RASGEF1C: variants seen among roughly 807,000 people sequenced by gnomAD.
The protein encoded by RASGEF1C is RasGEF domain family member 1C, also known as ras-GEF domain-containing family member 1C.
A neutral mutation model predicts 58.1 loss-of-function variants in RASGEF1C; 27 were observed. The ratio of observed to expected loss-of-function variants is 0.46; its 90% CI spans 0.34 to 0.64. The LOEUF is 0.64. RASGEF1C is among the 30% of genes least tolerant of loss of function. The pLI, the probability that RASGEF1C is intolerant of heterozygous loss-of-function variation, is 0.01. For synonymous variants in RASGEF1C, 243 were observed against 246.3 expected (o/e 0.99, Z 0.13); for missense variants, 502 against 605.1 (o/e 0.83, Z 1.79).
intron 1 of RASGEF1C, among the ~76,000 whole-genome samples, chr5:180,176,247 C>G (rs1767223739): frequency 6.6e-6 from 1 of 152,186 alleles, no homozygotes; most frequent in Admixed American, 6.5e-5. Context: ...GGGGCCCCAG[C>G]CCCAGGCCTC....
At chr5:180,142,190 CTG>C (rs1483011856) in intron 1 of RASGEF1C, among the ~76,000 whole-genome samples, 4 of 152,096 alleles carry the variant, frequency 2.6e-5, no homozygotes, top group Non-Finnish European at 5.9e-5. Context: ...ATTTCTCCCT[CTG>C]TCTGCCTCGT....
chr5:180,131,156 C>A lies in RASGEF1C; in HGVS notation c.439-2546G>T, dbSNP rs1766360584. 2.0e-5 allele frequency among the ~76,000 whole-genome samples: 3 copies of A among 152,200 alleles called. No homozygotes were observed. The South Asian group carries it at 6.2e-4, about 32-fold the overall frequency. The stretch of plus-strand genomic sequence containing the variant: ...CCGGTTTCTCTCCACCCTGCAGCCA[C>A]AGAGGTCTGTTCAAAATGCAAATCT... On this transcript the variant is annotated intron_variant, in intron 4 of 13. Coordinates refer to ENST00000361132, the MANE Select transcript of RASGEF1C (RefSeq NM_175062.4).
rs558705089 is a variant in RASGEF1C at position 180,200,411 on chromosome 5, G to A, written c.-7+8617C>T. Among the ~76,000 whole-genome samples the A allele has an allele frequency of 2.8e-3, 409 of 144,458 alleles. 1 individual carries two copies. Among genetic ancestry groups the A allele is most frequent in the Non-Finnish European group, 4.7e-3 (308 of 66,148 alleles). 94.8% of individuals were successfully genotyped at this position (144,458 alleles called of 152,430 possible). On this transcript the variant is annotated intron_variant, in intron 1 of 13. Transcript: ENST00000361132. ...TGCAAGCTCCGCCTCCCGGGTTCAC[G>A]CCATTCTCCTGCCTCAGCCTCCCGA...
At chr5:180,157,852 T>C (rs1408050842) in intron 1 of RASGEF1C, among the ~76,000 whole-genome samples, 2 of 152,146 alleles carry the variant, frequency 1.3e-5, no homozygotes, top group Non-Finnish European at 2.9e-5. Context: ...TCTAGGGCAG[T>C]GAAACTATTC....
chr5:180,163,407 A>C (rs1337698061), intron 1 of RASGEF1C, among the ~76,000 whole-genome samples: 1 of 151,946 alleles, frequency 6.6e-6, no homozygotes, highest in Non-Finnish European at 1.5e-5. Context: ...GCCCTTTATC[A>C]GATTGGGGAA....
intron 1 of RASGEF1C, among the ~76,000 whole-genome samples, chr5:180,186,971 A>G (rs1756055248): frequency 6.6e-6 from 1 of 151,862 alleles, no homozygotes. Context: ...ACAAACAAAC[A>G]AAACAAAAAA....
At chr5:180,159,123 G>A (rs1449529057) in intron 1 of RASGEF1C, among the ~76,000 whole-genome samples, 1 of 143,382 alleles carries the variant, frequency 7.0e-6, no homozygotes, top group African/African-American at 2.6e-5. Flanking sequence ...TTAGTAACAA[G>A]TTTTTTTTTA....
chr5:180,137,353 C>G lies in RASGEF1C; in HGVS notation c.300+237G>C, dbSNP rs372193845. On this transcript the variant is annotated intron_variant, in intron 3 of 13. Coordinates refer to ENST00000361132, the MANE Select transcript of RASGEF1C (RefSeq NM_175062.4). The surrounding 1 kb of genome is among the most constrained non-coding windows in gnomAD (Gnocchi z 4.1). ...TCCTACTGACCGGGCTCCGGATACTCAGGTCTGGGCTTAATGGGCTCAAGG... is the reference window on the plus strand; with the variant it reads ...TCCTACTGACCGGGCTCCGGATACTGAGGTCTGGGCTTAATGGGCTCAAGG... Among the ~76,000 whole-genome samples the G allele has an allele frequency of 6.6e-6, 1 of 152,160 alleles. No individual in the cohort carries two copies. Among genetic ancestry groups the G allele is most frequent in the Admixed American group, 6.5e-5 (1 of 15,284 alleles).
chr5:180,103,745 TC>T, intron 12 of RASGEF1C, among the ~76,000 whole-genome samples: 1 of 152,344 alleles, frequency 6.6e-6, no homozygotes, highest in Admixed American at 6.5e-5. Flanking sequence ...GAACATCCTT[TC>T]ATTGTTATTG....
chr5:180,112,974 G>A (rs1366767647), intron 11 of RASGEF1C, among the ~76,000 whole-genome samples: 6 of 145,954 alleles, frequency 4.1e-5, no homozygotes, highest in African/African-American at 1.3e-4. Flanking sequence ...GGGGATGGAC[G>A]GAGGGACCGG....
chr5:180,151,945 G>A (rs1581109319), intron 1 of RASGEF1C, among the ~76,000 whole-genome samples: 1 of 151,668 alleles, frequency 6.6e-6, no homozygotes, highest in Non-Finnish European at 1.5e-5. Context: ...AGATATTTAT[G>A]CAGCCAAAAG....
At chr5:180,136,743 G>A in intron 3 of RASGEF1C, 2 of 561,166 alleles carry the variant, frequency 3.6e-6, no homozygotes, top group South Asian at 4.4e-5. Context: ...TTCTGCGGTT[G>A]ACGGCTCCAT....
chr5:180,146,508 CTT>C (rs879767569), intron 1 of RASGEF1C, among the ~76,000 whole-genome samples: 2 of 144,798 alleles, frequency 1.4e-5, no homozygotes, highest in Non-Finnish European at 1.5e-5. Context: ...TTTTGGAGTA[CTT>C]TTTTTTTTTG....
At chr5:180,107,793 G>T (rs971476507) in intron 12 of RASGEF1C, among the ~76,000 whole-genome samples, 21 of 152,114 alleles carry the variant, frequency 1.4e-4, no homozygotes, top group African/African-American at 3.9e-4. Flanking sequence ...ATTTGTAGTA[G>T]AGACGAGGTT....
At position 180,118,878 on chromosome 5, in the gene RASGEF1C, A is replaced by G. The variant is rs1195150038; in HGVS notation, c.908-12T>C. 2 of 1,613,802 alleles carry G rather than the reference A, an allele frequency of 1.2e-6. No homozygotes were observed. Among genetic ancestry groups the G allele is most frequent in the African/African-American group, 1.3e-5 (1 of 74,992 alleles). On this transcript the variant is annotated splice_polypyrimidine_tract_variant and intron_variant, in intron 8 of 13. Coordinates refer to ENST00000361132, the MANE Select transcript of RASGEF1C (RefSeq NM_175062.4). The stretch of plus-strand genomic sequence containing the variant: ...CATGTTCATGCCGGCTGGAAGAGGG[A>G]GGAGGGTTGGAGAGGGCTGCTCCTG...
At chr5:180,103,924 T>A (rs1359567092) in intron 12 of RASGEF1C, among the ~76,000 whole-genome samples, 1 of 152,262 alleles carries the variant, frequency 6.6e-6, no homozygotes, top group Admixed American at 6.5e-5. Flanking sequence ...CTGCATTGAT[T>A]AATATAATCA....
At chr5:180,161,296 C>T (rs957999128) in intron 1 of RASGEF1C, among the ~76,000 whole-genome samples, 1 of 152,248 alleles carries the variant, frequency 6.6e-6, no homozygotes, top group African/African-American at 2.4e-5. Context: ...ACTCCCTCCG[C>T]CCCGCTTCCA....
intron 1 of RASGEF1C, among the ~76,000 whole-genome samples, chr5:180,150,376 A>C (rs1353530958): frequency 6.6e-6 from 1 of 152,020 alleles, no homozygotes; most frequent in Non-Finnish European, 1.5e-5. Flanking sequence ...TTTCTCAGGG[A>C]CAGTTTTTGT....
chr5:180,112,428 G>A (rs1368426492), intron 11 of RASGEF1C, among the ~76,000 whole-genome samples: 2 of 152,214 alleles, frequency 1.3e-5, no homozygotes, highest in African/African-American at 4.8e-5. Context: ...ACAGCCCACG[G>A]AGGCCATGCT....
Sources: allele counts gnomAD v4.1 joint callset (sites outside exome capture counted in the v4.1 genomes callset), GRCh38; gene constraint gnomAD v4.1.1; non-coding constraint Gnocchi (gnomAD v3.1); transcripts MANE v1.5; gene names NCBI Gene and HGNC (gene_info 2026-07-23, HGNC 2026-07-21).